PDE6C: variants seen among roughly 807,000 people sequenced by gnomAD.
The protein encoded by PDE6C is cone cGMP-specific 3',5'-cyclic phosphodiesterase subunit alpha'.
A neutral mutation model predicts 113.1 loss-of-function variants in PDE6C; 75 were observed. The ratio of observed to expected loss-of-function variants is 0.66; its 90% CI spans 0.55 to 0.80. The LOEUF (loss-of-function observed/expected upper bound fraction) is 0.80, where lower values mean the gene tolerates loss of function less well. Ranked by LOEUF, PDE6C falls within the 30% of genes least tolerant of loss-of-function variation. The pLI, the probability that PDE6C is intolerant of heterozygous loss-of-function variation, is 0.00. For missense variants in PDE6C, 912 were observed against 1,038.6 expected, an observed-to-expected ratio of 0.88 and a Z score of 1.67; for synonymous variants, 375 against 363.7, an observed-to-expected ratio of 1.03 and a Z score of -0.35.
At chr10:93,642,801 G>A (rs148955186) in intron 14 of PDE6C, among the ~76,000 whole-genome samples, 16 of 152,334 alleles carry the variant, frequency 1.1e-4, no homozygotes, top group East Asian at 7.7e-4. Context: ...TTCATTGAGC[G>A]AAAAGCACTT....
At position 93,613,331 on chromosome 10, in the gene PDE6C, G is replaced by A. The variant is rs533745293; in HGVS notation, c.480+126G>A. 26 of 1,339,026 alleles carry A rather than the reference G, an allele frequency of 1.9e-5. No homozygotes were observed. In the African/African-American group the frequency reaches 2.9e-4, roughly 15 times the overall value. The allele number at this position is 1,339,026 out of a possible 1,614,324, so 82.9% of individuals were successfully genotyped here. A position where few individuals can be genotyped will look rare whatever the true frequency, so the allele number is the denominator to read the frequency against. ...TAACCGGGGGAATGTGGGTGGCAGG[G>A]AAGAGGATCACCCAGGCCTAGTGTT... On this transcript the variant is annotated intron_variant, in intron 1 of 21. Coordinates refer to ENST00000371447, the MANE Select transcript of PDE6C (RefSeq NM_006204.4).
At position 93,655,873 on chromosome 10, in the gene PDE6C, C is replaced by G; in HGVS notation, c.2036+13C>G. The G allele has an allele frequency of 1.5e-6, 2 of 1,295,978 alleles. No homozygotes were observed. The highest frequency in any genetic ancestry group is 2.2e-6 in the Non-Finnish European group (2 of 889,582). 80.3% of individuals were successfully genotyped at this position (1,295,978 alleles called of 1,614,324 possible). A position where few individuals can be genotyped will look rare whatever the true frequency, so the allele number is the denominator to read the frequency against. ...CTTTATATTTCAAGTAAGTACATAA[C>G]TCTGCACAGTGGAATGCCCTATACT... On this transcript the variant is annotated intron_variant, in intron 16 of 21. Transcript: ENST00000371447.
At chr10:93,630,048 C>T (rs1413683274) in intron 8 of PDE6C, among the ~76,000 whole-genome samples, 1 of 152,120 alleles carries the variant, frequency 6.6e-6, no homozygotes. Context: ...ATCCTGCTCT[C>T]CTGGTGGTTT....
intron 10 of PDE6C, among the ~76,000 whole-genome samples, chr10:93,636,678 GAA>G (rs1211796010): frequency 1.3e-5 from 2 of 151,918 alleles, no homozygotes; most frequent in Non-Finnish European, 2.9e-5. Flanking sequence ...ATTATTTCTT[GAA>G]AAAAGTCTTC....
intron 10 of PDE6C, among the ~76,000 whole-genome samples, chr10:93,636,636 T>C (rs2058533207): frequency 6.6e-6 from 1 of 152,032 alleles, no homozygotes; most frequent in Non-Finnish European, 1.5e-5. Context: ...CTGTAATCAT[T>C]TTGGGGGAAT....
intron 10 of PDE6C, among the ~76,000 whole-genome samples, chr10:93,636,117 C>T (rs1176623540): frequency 1.3e-5 from 2 of 152,114 alleles, no homozygotes; most frequent in African/African-American, 4.8e-5. Context: ...CAGGAGCTAC[C>T]TGATAGATGT....
At chr10:93,622,870 A>G (rs2058455411) in intron 4 of PDE6C, among the ~76,000 whole-genome samples, 1 of 151,776 alleles carries the variant, frequency 6.6e-6, no homozygotes, top group Admixed American at 6.6e-5. Flanking sequence ...GTATCCATTC[A>G]CCTGTTGAAG....
At chr10:93,628,681 C>T (rs1171702174) in intron 7 of PDE6C, among the ~76,000 whole-genome samples, 1 of 151,502 alleles carries the variant, frequency 6.6e-6, no homozygotes, top group Non-Finnish European at 1.5e-5. Context: ...GTGATTATGA[C>T]CCAAGGTACA....
intron 11 of PDE6C, among the ~76,000 whole-genome samples, chr10:93,639,112 G>T (rs929192465): frequency 6.6e-6 from 1 of 152,166 alleles, no homozygotes; most frequent in Non-Finnish European, 1.5e-5. Flanking sequence ...GGCCCACATA[G>T]TTGTTGCTCA....
chr10:93,634,965 C>A, intron 9 of PDE6C, 58 bp downstream of exon 9: 1 of 1,554,630 alleles, frequency 6.4e-7, no homozygotes, highest in South Asian at 1.1e-5. Flanking sequence ...AGAGAGGGCA[C>A]GTAATTATTT....
Position 93,660,610 on chromosome 10 carries a change from C to T in PDE6C, c.2208+1443C>T, listed in dbSNP as rs373982349. 4.6e-5 allele frequency among the ~76,000 whole-genome samples: 7 copies of T among 152,146 alleles called. No individual in the cohort carries two copies. The South Asian group carries it at 8.3e-4, about 18-fold the overall frequency. ...CTGCTGCTTTAGTTTCCTCAAATTC[C>T]GTCACCTTAAAATATTTGGGGGCAG... On this transcript the variant is annotated intron_variant, in intron 18 of 21. Coordinates refer to ENST00000371447, the MANE Select transcript of PDE6C (RefSeq NM_006204.4).
At chr10:93,644,169 C>G (rs552043170) in intron 14 of PDE6C, among the ~76,000 whole-genome samples, 1 of 152,284 alleles carries the variant, frequency 6.6e-6, no homozygotes, top group African/African-American at 2.4e-5. Flanking sequence ...CTGTGTCCTT[C>G]TCAATGCATT....
In PDE6C at chr10:93,640,575, T is replaced by A. The variant is rs776056312; in HGVS notation, c.1737+18T>A. ...TGCTGATGGTAGGTACAGAGGGCTG[T>A]AAATCCTTGTAAACCTGCAGATTTC... is the stretch of plus-strand genomic sequence containing the variant. On this transcript the variant is annotated intron_variant, in intron 13 of 21. Transcript: ENST00000371447. The A allele has an allele frequency of 6.8e-7, 1 of 1,460,238 alleles. No individual in the cohort carries two copies. Among genetic ancestry groups the A allele is most frequent in the South Asian group, 1.1e-5 (1 of 87,956 alleles). 90.5% of individuals were successfully genotyped at this position (1,460,238 alleles called of 1,614,324 possible). A position where few individuals can be genotyped will look rare whatever the true frequency, so the allele number is the denominator to read the frequency against.
intron 16 of PDE6C, 105 bp downstream of exon 16, chr10:93,655,965 T>TAC (rs2058636106): frequency 3.9e-6 from 3 of 768,266 alleles, no homozygotes; most frequent in Non-Finnish European, 7.2e-6. Flanking sequence ...TTCACACACA[T>TAC]ACACACACAC....
rs563178868 is a variant in PDE6C, at chr10:93,615,843, A to G, written c.480+2638A>G. 4.6e-5 allele frequency among the ~76,000 whole-genome samples: 7 copies of G among 152,320 alleles called. No homozygotes were observed. The East Asian group carries it at 1.4e-3, about 29-fold the overall frequency. On this transcript the variant is annotated intron_variant, in intron 1 of 21. Coordinates refer to ENST00000371447, the MANE Select transcript of PDE6C (RefSeq NM_006204.4). ...AAGGGGCTTATGAAGTCTTTAGCCC[A>G]ACTCTGTCCTATGGAGGACAGGAAG...
intron 14 of PDE6C, among the ~76,000 whole-genome samples, chr10:93,642,852 A>G (rs1047479805): frequency 1.3e-5 from 2 of 152,156 alleles, no homozygotes; most frequent in African/African-American, 4.8e-5. Flanking sequence ...TCTACCTATT[A>G]TTAGGCTTTG....
intron 15 of PDE6C, among the ~76,000 whole-genome samples, chr10:93,654,799 TTTCTTTCTTTC>T (rs1280402619): frequency 2.6e-4 from 23 of 87,958 alleles, no homozygotes; most frequent in African/African-American, 4.8e-4. Context: ...TCTTTCTTTC[TTTCTTTCTTTC>T]TTTTTTTTTT....
chr10:93,661,010 T>A (rs545983255), intron 18 of PDE6C, among the ~76,000 whole-genome samples: 1 of 152,206 alleles, frequency 6.6e-6, no homozygotes, highest in African/African-American at 2.4e-5. Flanking sequence ...TAAAGTCTAT[T>A]TTCTCCCAAC....
intron 1 of PDE6C, among the ~76,000 whole-genome samples, chr10:93,619,521 G>A (rs1413358403): frequency 6.6e-6 from 1 of 152,146 alleles, no homozygotes; most frequent in Non-Finnish European, 1.5e-5. Flanking sequence ...CTGTCTCCCG[G>A]GTTCAAGCGA....
Sources: allele counts gnomAD v4.1 joint callset (sites outside exome capture counted in the v4.1 genomes callset), GRCh38; gene constraint gnomAD v4.1.1; transcripts MANE v1.5; gene names NCBI Gene and HGNC (gene_info 2026-07-23, HGNC 2026-07-21).